Variants in ZBTB37 observed in about 807,000 individuals in gnomAD.
The protein encoded by ZBTB37 is zinc finger and BTB domain-containing protein 37.
In ZBTB37, 15 loss-of-function variants were observed where a neutral mutation model predicts 37.7. The observed-to-expected ratio is 0.40, with a 90% confidence interval of 0.27 to 0.61. The LOEUF is 0.61. Ranked by LOEUF, ZBTB37 falls within the 20% of genes least tolerant of loss-of-function variation. ZBTB37 has a pLI of 0.44. For missense variants in ZBTB37, 514 were observed against 641.9 expected (o/e 0.80, Z 2.15); for synonymous variants, 231 against 220.6 (o/e 1.05, Z -0.42).
At chr1:173,870,856 A>G (rs763944207) in exon 3 of ZBTB37, 22 of 1,614,112 alleles carry the variant, frequency 1.4e-5, no homozygotes, top group Non-Finnish European at 1.7e-5. Context: ...CCGGGAGCCC[A>G]TTCTTCGGAT....
At chr1:173,892,626 T>C (rs1391398502) in exon 4 of ZBTB37, 2 of 152,220 alleles carry the variant, frequency 1.3e-5, no homozygotes, top group African/African-American at 4.8e-5. Context: ...CAGCAGTGAC[T>C]TGAGAAGGCA....
intron 4 of ZBTB37, among the ~76,000 whole-genome samples, chr1:173,884,766 A>G (rs142676418): frequency 1.3e-5 from 2 of 152,380 alleles, no homozygotes; most frequent in African/African-American, 4.8e-5. Context: ...TGATATAGTA[A>G]ATGGTAGCCA....
exon 4 of ZBTB37, chr1:173,891,637 C>T (rs1656844003): frequency 6.6e-5 from 10 of 152,072 alleles, no homozygotes; most frequent in Admixed American, 6.6e-4. Context: ...AACAGAAATC[C>T]TTGCAGGAAG....
At chr1:173,884,933 C>T (rs926621503) in intron 4 of ZBTB37, among the ~76,000 whole-genome samples, 2 of 152,116 alleles carry the variant, frequency 1.3e-5, no homozygotes, top group African/African-American at 4.8e-5. Flanking sequence ...AGAGCATTTT[C>T]ATCATCATTG....
chr1:173,882,237 C>CTTTTTTTT (rs1160364347), intron 4 of ZBTB37, among the ~76,000 whole-genome samples: 3 of 87,948 alleles, frequency 3.4e-5, no homozygotes, highest in African/African-American at 4.8e-5. Context: ...ATGGTAGTTT[C>CTTTTTTTT]TTTTTTTTTT....
exon 4 of ZBTB37, chr1:173,902,166 A>G (rs1016239095): frequency 6.6e-6 from 1 of 152,270 alleles, no homozygotes; most frequent in African/African-American, 2.4e-5. Context: ...TAAGATTCTG[A>G]TGGTAGCGAT....
chr1:173,880,086 CAGG>C, intron 4 of ZBTB37, among the ~76,000 whole-genome samples: 2 of 152,180 alleles, frequency 1.3e-5, no homozygotes, highest in Non-Finnish European at 2.9e-5. Context: ...TTAGGGGAAA[CAGG>C]AACACAGGAT....
At chr1:173,882,384 G>A (rs1656374458) in intron 4 of ZBTB37, among the ~76,000 whole-genome samples, 1 of 151,490 alleles carries the variant, frequency 6.6e-6, no homozygotes, top group African/African-American at 2.4e-5. Context: ...TGGGACTACA[G>A]GCACCCGCCA....
intron 4 of ZBTB37, among the ~76,000 whole-genome samples, chr1:173,879,588 A>C (rs1656185397): frequency 6.6e-6 from 1 of 152,188 alleles, no homozygotes; most frequent in Non-Finnish European, 1.5e-5. Flanking sequence ...CTTCTGTCAA[A>C]GATGTTTTGG....
At chr1:173,879,039 C>T (rs1321131406) in intron 4 of ZBTB37, among the ~76,000 whole-genome samples, 3 of 149,696 alleles carry the variant, frequency 2.0e-5, no homozygotes, top group African/African-American at 7.4e-5. Context: ...TGCAGTGAGC[C>T]GAGACCATGC....
At chr1:173,886,830 T>C (rs1178495903), downstream of ZBTB37, 1 of 152,344 alleles carries the variant, frequency 6.6e-6, no homozygotes, top group Non-Finnish European at 1.5e-5. Flanking sequence ...TAGGTACTGC[T>C]ACATTTGGGG....
chr1:173,892,673 T>C (rs1042962849), exon 4 of ZBTB37: 1 of 152,124 alleles, frequency 6.6e-6, no homozygotes, highest in Admixed American at 6.6e-5. Flanking sequence ...TTATAGAGGG[T>C]ACGTATATAA....
At position 173,883,428 on chromosome 1, in the gene ZBTB37, G is replaced by A. The variant is rs1259799878; in HGVS notation, c.1024-2208G>A. 3.9e-5 allele frequency among the ~76,000 whole-genome samples: 6 copies of A among 152,262 alleles called. No homozygotes were observed. The East Asian group carries it at 7.7e-4, about 20-fold the overall frequency. On this transcript the variant is annotated intron_variant, in intron 4 of 4. Transcript: ENST00000427304. ...CGGGAGGCGGAGGTTGTGATGAGCCGAGATTGCACTCCAGCCTGGGCAAAA... is the reference window on the plus strand; with the variant it reads ...CGGGAGGCGGAGGTTGTGATGAGCCAAGATTGCACTCCAGCCTGGGCAAAA...
exon 4 of ZBTB37, chr1:173,902,198 T>A (rs527448665): frequency 6.6e-6 from 1 of 152,352 alleles, no homozygotes; most frequent in South Asian, 2.1e-4. Context: ...AAATTTCACT[T>A]CCTCTCAGTT....
At chr1:173,876,070 G>GT (rs1041971711) in intron 4 of ZBTB37, among the ~76,000 whole-genome samples, 1 of 151,616 alleles carries the variant, frequency 6.6e-6, no homozygotes, top group South Asian at 2.1e-4. Flanking sequence ...GGAATGATGG[G>GT]TTTTTTTCTA....
At chr1:173,886,136 G>A in exon 5 of ZBTB37, 3 of 1,545,820 alleles carry the variant, frequency 1.9e-6, no homozygotes, top group East Asian at 4.9e-5. Context: ...ACATCCAGGG[G>A]GAGGGGGCTG....
At chr1:173,880,353 A>G in intron 4 of ZBTB37, among the ~76,000 whole-genome samples, 1 of 152,194 alleles carries the variant, frequency 6.6e-6, no homozygotes, top group Non-Finnish European at 1.5e-5. Context: ...AAACCAGATG[A>G]CTTTTTAAGG....
exon 4 of ZBTB37, chr1:173,893,231 C>G (rs1345001902): frequency 6.6e-6 from 1 of 152,158 alleles, no homozygotes; most frequent in African/African-American, 2.4e-5. Flanking sequence ...TATTCAGCAT[C>G]TCATATGGCC....
At chr1:173,902,577 C>T (rs537339703) in exon 4 of ZBTB37, 4 of 152,276 alleles carry the variant, frequency 2.6e-5, no homozygotes, top group African/African-American at 9.6e-5. Flanking sequence ...CATCTTATTT[C>T]CTAAGAATAT....
Sources: allele counts gnomAD v4.1 joint callset (sites outside exome capture counted in the v4.1 genomes callset), GRCh38; gene constraint gnomAD v4.1.1; transcripts MANE v1.5; gene names NCBI Gene and HGNC (gene_info 2026-07-23, HGNC 2026-07-21).